SOX6: variants seen among roughly 807,000 people sequenced by gnomAD.
SOX6 encodes transcription factor SOX-6.
Under a neutral mutation model 97.8 loss-of-function variants are expected in SOX6, and 11 were observed. The observed-to-expected ratio is 0.11, with a 90% confidence interval of 0.07 to 0.19. The LOEUF (loss-of-function observed/expected upper bound fraction) is 0.19, where lower values mean the gene tolerates loss of function less well. Ranked by LOEUF, SOX6 falls within the 10% of genes least tolerant of loss-of-function variation. The pLI, the probability that SOX6 is intolerant of heterozygous loss-of-function variation, is 1.00. For missense variants in SOX6, 810 were observed against 1,039.5 expected, an observed-to-expected ratio of 0.78 and a Z score of 3.04; for synonymous variants, 360 against 371.4, an observed-to-expected ratio of 0.97 and a Z score of 0.35.
intron 4 of SOX6, among the ~76,000 whole-genome samples, chr11:16,597,034 T>C (rs1037885144): frequency 1.3e-5 from 2 of 152,126 alleles, no homozygotes. Flanking sequence ...ATACAAGCTT[T>C]GTTTGAAGTA....
chr11:16,437,375 C>A (rs1859399593), intron 1 of SOX6, among the ~76,000 whole-genome samples: 1 of 151,868 alleles, frequency 6.6e-6, no homozygotes, highest in Admixed American at 6.6e-5. Context: ...ATATATTTTC[C>A]CATATCCCCA....
chr11:16,706,474 ATATATATATATATATATAT>A (rs1564873548), intron 3 of SOX6, among the ~76,000 whole-genome samples: 3,684 of 13,770 alleles, frequency 0.27, 1,313 homozygotes, highest in Non-Finnish European at 0.32. Flanking sequence ...AAAAAAAAAT[ATATATATATATATATATAT>A]ATATATATAT....
intron 10 of SOX6, among the ~76,000 whole-genome samples, chr11:16,051,531 G>T (rs2133915768): frequency 6.6e-6 from 1 of 152,176 alleles, no homozygotes; most frequent in East Asian, 1.9e-4. Flanking sequence ...CATAGGACAG[G>T]TTCTCAAGCA....
At chr11:16,649,201 G>A (rs894264416) in intron 3 of SOX6, among the ~76,000 whole-genome samples, 1 of 152,142 alleles carries the variant, frequency 6.6e-6, no homozygotes, top group African/African-American at 2.4e-5. Context: ...TTATTTGAGG[G>A]AATAATTGAG....
intron 4 of SOX6, among the ~76,000 whole-genome samples, chr11:16,559,539 C>T (rs1401248671): frequency 6.6e-6 from 1 of 151,312 alleles, no homozygotes; most frequent in African/African-American, 2.4e-5. Context: ...TTGGTGCCAA[C>T]AAGATAGGTG....
At chr11:16,175,622 TTACA>T (rs1051653501) in intron 6 of SOX6, among the ~76,000 whole-genome samples, 38 of 152,074 alleles carry the variant, frequency 2.5e-4, no homozygotes, top group Non-Finnish European at 4.1e-4. Context: ...CATACATTCC[TTACA>T]TATGTCAGGA....
At position 16,220,490 on chromosome 11, in the gene SOX6, G is replaced by C. The variant is rs375972703; in HGVS notation, c.535+14092C>G. On this transcript the variant is annotated intron_variant, in intron 4 of 15. Coordinates refer to ENST00000683767, the MANE Select transcript of SOX6 (RefSeq NM_001367873.1). ...GAATATCATTTTTGGTTGAGCAAAC[G>C]TTGGTGACATGAACTACGCTGTAAA... is the stretch of plus-strand genomic sequence containing the variant. Among the ~76,000 whole-genome samples, 19 of 152,084 alleles carry C rather than the reference G, an allele frequency of 1.2e-4. No individual in the cohort carries two copies. The South Asian group carries it at 3.7e-3, about 30-fold the overall frequency.
At chr11:16,015,473 G>A in intron 12 of SOX6, 1 of 180,982 alleles carries the variant, frequency 5.5e-6, no homozygotes, top group East Asian at 1.5e-4. Flanking sequence ...GTATTCCTGG[G>A]GAAATACAAA....
intron 2 of SOX6, among the ~76,000 whole-genome samples, chr11:16,322,275 T>C (rs1420697730): frequency 2.0e-5 from 3 of 152,092 alleles, no homozygotes; most frequent in African/African-American, 7.2e-5. Flanking sequence ...ACTTTCCCCT[T>C]GCTTATGATA....
At chr11:16,222,444 C>G (rs1053289836) in intron 4 of SOX6, among the ~76,000 whole-genome samples, 1 of 152,090 alleles carries the variant, frequency 6.6e-6, no homozygotes, top group African/African-American at 2.4e-5. Flanking sequence ...GAACTCCTAT[C>G]TGCAAGCATT....
chr11:16,027,878 A>G (rs1267232847), intron 12 of SOX6, among the ~76,000 whole-genome samples: 2 of 152,246 alleles, frequency 1.3e-5, no homozygotes, highest in Non-Finnish European at 1.5e-5. Flanking sequence ...AAGGAGCTGT[A>G]TTTTAAATAC....
At chr11:16,415,717 C>A (rs753145993) in intron 1 of SOX6, among the ~76,000 whole-genome samples, 29 of 152,066 alleles carry the variant, frequency 1.9e-4, no homozygotes, top group African/African-American at 7.0e-4. Flanking sequence ...ATTATATGCA[C>A]AAAGAACACC....
rs555137744 is a variant in SOX6 at position 16,525,212 on chromosome 11, C to T, written n.610-48824G>A. Among the ~76,000 whole-genome samples the T allele has an allele frequency of 2.0e-3, 297 of 152,272 alleles. 1 individual carries two copies. Among genetic ancestry groups the T allele is most frequent in the Middle Eastern group, 0.01 (3 of 294 alleles). On this transcript the variant is annotated intron_variant and non_coding_transcript_variant, in intron 4 of 5. Transcript: ENST00000524520. Reference sequence around the variant, plus strand: ...CAAAAGAACAAAGATGGAAGCACCACGCTACCTGACTTCAAACTATACTAC... The same window carrying T: ...CAAAAGAACAAAGATGGAAGCACCATGCTACCTGACTTCAAACTATACTAC...
At chr11:16,196,242 T>A (rs946419623) in intron 4 of SOX6, among the ~76,000 whole-genome samples, 1 of 152,220 alleles carries the variant, frequency 6.6e-6, no homozygotes, top group Non-Finnish European at 1.5e-5. Flanking sequence ...AACTGAAGCA[T>A]GCAAAAGTAA....
intron 12 of SOX6, among the ~76,000 whole-genome samples, chr11:16,031,675 G>A (rs1855377918): frequency 6.6e-6 from 1 of 152,034 alleles, no homozygotes; most frequent in South Asian, 2.1e-4. Context: ...CACCCTAACT[G>A]CAGTAGGCTG....
intron 4 of SOX6, among the ~76,000 whole-genome samples, chr11:16,189,280 G>A (rs1366227115): frequency 6.6e-6 from 1 of 152,166 alleles, no homozygotes; most frequent in African/African-American, 2.4e-5. Context: ...AGCATGGTTT[G>A]AAGGAGCTTT....
At chr11:16,302,454 T>C (rs986662100) in intron 3 of SOX6, among the ~76,000 whole-genome samples, 1 of 152,126 alleles carries the variant, frequency 6.6e-6, no homozygotes, top group African/African-American at 2.4e-5. Flanking sequence ...TCTTGTTCAC[T>C]ATGATGAGCT....
chr11:16,371,106 C>T (rs749555210), intron 1 of SOX6, among the ~76,000 whole-genome samples: 5 of 152,024 alleles, frequency 3.3e-5, no homozygotes, highest in Middle Eastern at 3.2e-3. Flanking sequence ...CTATTTAACC[C>T]GGCCCCTGTC....
Position 16,267,744 on chromosome 11 carries a change from C to A in SOX6, c.446-33073G>T, listed in dbSNP as rs571887103. Among the ~76,000 whole-genome samples the A allele has an allele frequency of 1.1e-4, 17 of 151,614 alleles. No individual in the cohort carries two copies. The South Asian group carries it at 2.5e-3, about 22-fold the overall frequency. ...GTATGTCAAAGAGATGTCTGCATGCCTATGTTCACTGCAGCACTATTCACA... is the reference window on the plus strand; with the variant it reads ...GTATGTCAAAGAGATGTCTGCATGCATATGTTCACTGCAGCACTATTCACA... On this transcript the variant is annotated intron_variant, in intron 3 of 15. Transcript: ENST00000683767.
Sources: gnomAD v4.1 joint callset for allele counts (sites outside exome capture counted in the v4.1 genomes callset) on GRCh38, gnomAD v4.1.1 for gene constraint, MANE v1.5 for transcripts, NCBI Gene and HGNC (gene_info 2026-07-23, HGNC 2026-07-21) for gene names.